Variants in TFCP2 observed in about 807,000 individuals in gnomAD.
TFCP2 encodes transcription factor CP2.
A neutral mutation model predicts 73.4 loss-of-function variants in TFCP2; 33 were observed. The ratio of observed to expected loss-of-function variants is 0.45; its 90% CI spans 0.34 to 0.60. The LOEUF (loss-of-function observed/expected upper bound fraction) is 0.60. Ranked by LOEUF, TFCP2 falls within the 20% of genes least tolerant of loss-of-function variation. The probability of loss-of-function intolerance (pLI) is 0.01; values close to 1 mark genes in which losing one functional copy is unlikely to be tolerated. For synonymous variants in TFCP2, 193 were observed against 211.6 expected (o/e 0.91, Z 0.76); for missense variants, 352 against 604.0 (o/e 0.58, Z 4.37).
At chr12:51,147,908 C>A (rs1053393096) in intron 1 of TFCP2, among the ~76,000 whole-genome samples, 1 of 152,014 alleles carries the variant, frequency 6.6e-6, no homozygotes, top group African/African-American at 2.4e-5. Flanking sequence ...GGACTAATAT[C>A]CAGAATCCAC....
intron 1 of TFCP2, among the ~76,000 whole-genome samples, chr12:51,126,303 T>C (rs1021148459): frequency 2.0e-5 from 3 of 149,400 alleles, no homozygotes; most frequent in Admixed American, 2.0e-4. Context: ...GTTGAGTGTA[T>C]GTTAAAAATG....
chr12:51,144,694 G>A (rs1251539855), intron 1 of TFCP2, among the ~76,000 whole-genome samples: 1 of 152,220 alleles, frequency 6.6e-6, no homozygotes, highest in East Asian at 1.9e-4. Flanking sequence ...AGACTAAAGT[G>A]TGAAAAGCAA....
intron 1 of TFCP2, among the ~76,000 whole-genome samples, chr12:51,156,365 TAAAC>T (rs1241717527): frequency 2.0e-5 from 3 of 151,838 alleles, no homozygotes; most frequent in African/African-American, 4.8e-5. Context: ...GTGCCACACT[TAAAC>T]AACCAGCTCT....
rs752228965 is a variant in TFCP2 at position 51,096,017 on chromosome 12, T to C, written c.1443A>G (p.Glu481=). 2 of 1,613,190 alleles carry C rather than the reference T, an allele frequency of 1.2e-6. No individual in the cohort carries two copies. The highest frequency in any genetic ancestry group is 1.3e-5 in the African/African-American group (1 of 74,884). The part of the protein sequence containing the change: ...SDEMIQNFQE[E]ACFILDTMKA... The stretch of plus-strand genomic sequence containing the variant: ...TCATTGTGTCCAGAATAAAACATGC[T>C]TCTTCCTGAAAGTTCTGTATCATCT... Residue 481 remains glutamate, a synonymous_variant, in exon 14 of 15, where the codon GAA becomes GAG. Coordinates refer to ENST00000257915, the MANE Select transcript of TFCP2 (RefSeq NM_005653.5).
At chr12:51,154,138 G>A (rs1458968264) in intron 1 of TFCP2, among the ~76,000 whole-genome samples, 1 of 151,986 alleles carries the variant, frequency 6.6e-6, no homozygotes, top group African/African-American at 2.4e-5. Context: ...TTGATCAATG[G>A]GCTATACCTA....
intron 1 of TFCP2, among the ~76,000 whole-genome samples, chr12:51,132,399 C>G (rs1029737978): frequency 3.4e-5 from 3 of 87,928 alleles, no homozygotes; most frequent in African/African-American, 1.3e-4. Context: ...GACAGAGTCT[C>G]GCTCTATCAC....
intron 10 of TFCP2, among the ~76,000 whole-genome samples, chr12:51,102,902 C>CTT (rs11452863): frequency 1.1e-4 from 16 of 142,454 alleles, no homozygotes; most frequent in African/African-American, 3.6e-4. Flanking sequence ...TGTTTCGGTG[C>CTT]TTTTTTTTTT....
At chr12:51,109,468 CAAAAT>C (rs964332066) in intron 5 of TFCP2, among the ~76,000 whole-genome samples, 195 bp from the exon 6 acceptor site, 9 of 152,038 alleles carry the variant, frequency 5.9e-5, no homozygotes, top group African/African-American at 2.2e-4. Context: ...CAAATGCAAA[CAAAAT>C]AAAAGTACAG....
chr12:51,154,479 A>C (rs887040281), intron 1 of TFCP2, among the ~76,000 whole-genome samples: 3 of 152,202 alleles, frequency 2.0e-5, no homozygotes, highest in Admixed American at 6.5e-5. Flanking sequence ...GGATCACTTG[A>C]GATCAGGAGT....
intron 1 of TFCP2, among the ~76,000 whole-genome samples, chr12:51,147,583 A>T (rs1318646753): frequency 2.0e-5 from 3 of 152,144 alleles, no homozygotes; most frequent in Non-Finnish European, 2.9e-5. Context: ...GATAACTGGC[A>T]AGCCACATGT....
intron 14 of TFCP2, 43 bp from the exon 15 acceptor site, chr12:51,095,321 C>G: frequency 3.1e-6 from 5 of 1,597,848 alleles, no homozygotes; most frequent in Non-Finnish European, 4.3e-6. Context: ...TTAGTCACCT[C>G]TAAAACACAG....
intron 1 of TFCP2, among the ~76,000 whole-genome samples, chr12:51,121,032 G>GT (rs549789991): frequency 6.8e-6 from 1 of 146,894 alleles, no homozygotes; most frequent in African/African-American, 2.5e-5. Context: ...CCACAGTAAA[G>GT]TTTTTTTTAA....
intron 4 of TFCP2, among the ~76,000 whole-genome samples, chr12:51,113,680 G>A (rs188169750): frequency 5.6e-4 from 85 of 152,326 alleles, no homozygotes; most frequent in African/African-American, 1.9e-3. Flanking sequence ...TAGCAAAATA[G>A]TGAGGTATAG....
Position 51,093,784 on chromosome 12 carries a change from G to A in TFCP2, c.*1457C>T, listed in dbSNP as rs1939886040. ...GACCATGATGCAGATTGAGTTTAATGAACAAAAATCTCTGTATAAAAAACA... is the reference window on the plus strand; with the variant it reads ...GACCATGATGCAGATTGAGTTTAATAAACAAAAATCTCTGTATAAAAAACA... On this transcript the variant is annotated 3_prime_UTR_variant, in exon 15 of 15. Transcript: ENST00000257915. 6.6e-6 allele frequency: 1 copy of A among 151,812 alleles called. No homozygotes were observed. Among genetic ancestry groups the A allele is most frequent in the Non-Finnish European group, 1.5e-5 (1 of 67,978 alleles). 9.4% of individuals were successfully genotyped at this position (151,812 alleles called of 1,614,324 possible).
intron 8 of TFCP2, among the ~76,000 whole-genome samples, chr12:51,106,276 T>C (rs1940237706): frequency 6.6e-6 from 1 of 151,874 alleles, no homozygotes; most frequent in Non-Finnish European, 1.5e-5. Context: ...TGACCATAAA[T>C]GCTACTTTCT....
chr12:51,105,010 CA>C (rs890274171), intron 8 of TFCP2, among the ~76,000 whole-genome samples: 4 of 151,090 alleles, frequency 2.6e-5, no homozygotes, highest in African/African-American at 4.9e-5. Context: ...CCGCGCCCGG[CA>C]AAAAAAATTA....
intron 1 of TFCP2, among the ~76,000 whole-genome samples, chr12:51,146,512 C>T (rs572608650): frequency 2.6e-5 from 4 of 151,914 alleles, no homozygotes; most frequent in Non-Finnish European, 5.9e-5. Context: ...AAATACTATT[C>T]CACACAAAAA....
Position 51,168,842 on chromosome 12 carries a change from C to T in TFCP2, c.122+3459G>A, listed in dbSNP as rs1034886551. On this transcript the variant is annotated intron_variant, in intron 1 of 14. Transcript: ENST00000257915. ...TTTGAGATGCAGTCTGGCTCTGTTG[C>T]CCAGGCTGTAGTGCAGTGGCACAGT... 6.6e-5 allele frequency among the ~76,000 whole-genome samples: 10 copies of T among 151,958 alleles called. No individual in the cohort carries two copies. In the East Asian group the frequency reaches 2.0e-3, roughly 30 times the overall value.
intron 1 of TFCP2, among the ~76,000 whole-genome samples, chr12:51,127,785 GAATTC>G (rs1219025250): frequency 6.6e-6 from 1 of 152,204 alleles, no homozygotes; most frequent in Non-Finnish European, 1.5e-5. Flanking sequence ...ATTCCTGGAT[GAATTC>G]TACACTAGAG....
Sources: gnomAD v4.1 joint callset for allele counts (sites outside exome capture counted in the v4.1 genomes callset) on GRCh38, gnomAD v4.1.1 for gene constraint, MANE v1.5 for transcripts, NCBI Gene and HGNC (gene_info 2026-07-23, HGNC 2026-07-21) for gene names.